Variants in DMGDH observed in about 807,000 individuals in gnomAD.
The protein encoded by DMGDH is dimethylglycine dehydrogenase, mitochondrial.
DMGDH carries 76 observed loss-of-function variants against 95.2 expected under a neutral mutation model. The ratio of observed to expected loss-of-function variants is 0.80; its 90% CI spans 0.66 to 0.97. The LOEUF is 0.97. Among genes scored for constraint, DMGDH ranks in the 50% least tolerant of loss-of-function variants. DMGDH has a pLI of 0.00. For synonymous variants in DMGDH, 345 were observed against 377.6 expected (o/e 0.91, Z 1.00); for missense variants, 987 against 1,055.0 (o/e 0.94, Z 0.89).
In DMGDH at chr5:79,032,587, A is replaced by G. The variant is rs1033306193; in HGVS notation, c.1517+100T>C. Reference sequence around the variant, plus strand: ...GACAAAGCTCAGTGCTCCTTGGAACAGGGTGGAGCAATGGAGTGTAAGGCA... The same window carrying G: ...GACAAAGCTCAGTGCTCCTTGGAACGGGGTGGAGCAATGGAGTGTAAGGCA... On this transcript the variant is annotated intron_variant, in intron 9 of 15. Coordinates refer to ENST00000255189, the MANE Select transcript of DMGDH (RefSeq NM_013391.3). 9 of 1,494,480 alleles carry G rather than the reference A, an allele frequency of 6.0e-6. No individual in the cohort carries two copies. In the Admixed American group the frequency reaches 1.3e-4, roughly 22 times the overall value. The allele number at this position is 1,494,480 out of a possible 1,614,324, so 92.6% of individuals were successfully genotyped here. A position where few individuals can be genotyped will look rare whatever the true frequency, so the allele number is the denominator to read the frequency against.
chr5:79,001,426 G>A (rs998669106), intron 15 of DMGDH, among the ~76,000 whole-genome samples: 3 of 152,190 alleles, frequency 2.0e-5, no homozygotes, highest in African/African-American at 7.2e-5. Flanking sequence ...GCCTCCCAAA[G>A]TGCTGGGATT....
intron 15 of DMGDH, among the ~76,000 whole-genome samples, chr5:78,999,736 A>T (rs779102507): frequency 1.3e-5 from 2 of 152,214 alleles, no homozygotes; most frequent in Non-Finnish European, 2.9e-5. Context: ...CATTAGTAAA[A>T]GTTTATCTCT....
chr5:79,007,772 A>C (rs1166905302), intron 14 of DMGDH, among the ~76,000 whole-genome samples: 1 of 152,150 alleles, frequency 6.6e-6, no homozygotes, highest in Non-Finnish European at 1.5e-5. Flanking sequence ...GAAGGTTCTT[A>C]ATCTTCCTGA....
rs1455517170 is a variant in DMGDH at position 79,042,350 on chromosome 5, G to A, written c.1126C>T (p.Pro376Ser). The change falls in exon 7 of 16, where the codon CCT becomes TCT. Residue 376 changes from proline (P) to serine (S), a missense_variant. Coordinates refer to ENST00000255189, the MANE Select transcript of DMGDH (RefSeq NM_013391.3). ...NVVNGPITYS[P>S]DILPMVGPHQ... Reference sequence around the variant, plus strand: ...GGCCCCACCATAGGCAGAATGTCAGGAGAATACGTGATAGGACCATTGACA... The same window carrying A: ...GGCCCCACCATAGGCAGAATGTCAGAAGAATACGTGATAGGACCATTGACA... The A allele has an allele frequency of 3.7e-6, 6 of 1,614,108 alleles. No individual in the cohort carries two copies. Among genetic ancestry groups the A allele is most frequent in the Non-Finnish European group, 5.1e-6 (6 of 1,180,052 alleles).
chr5:79,035,527 C>T (rs538474769), intron 7 of DMGDH, among the ~76,000 whole-genome samples: 1 of 152,294 alleles, frequency 6.6e-6, no homozygotes, highest in African/African-American at 2.4e-5. Flanking sequence ...TGTTATCGGA[C>T]TTTCCTATCT....
At chr5:79,037,661 A>G (rs1433081894) in intron 7 of DMGDH, among the ~76,000 whole-genome samples, 1 of 152,128 alleles carries the variant, frequency 6.6e-6, no homozygotes. Flanking sequence ...AACAGATGTG[A>G]TTTCTAGGTT....
At chr5:79,033,018 A>T (rs908062997) in intron 8 of DMGDH, among the ~76,000 whole-genome samples, 178 bp from the exon 9 acceptor site, 1 of 152,204 alleles carries the variant, frequency 6.6e-6, no homozygotes, top group African/African-American at 2.4e-5. Flanking sequence ...CTCATCAAAG[A>T]GTAAAGTAAA....
Position 79,008,210 on chromosome 5 carries a change from G to T in DMGDH, c.2251-2803C>A, listed in dbSNP as rs577072090. Among the ~76,000 whole-genome samples the T allele has an allele frequency of 4.6e-5, 7 of 152,278 alleles. No homozygotes were observed. The South Asian group carries it at 1.4e-3, about 32-fold the overall frequency. The stretch of plus-strand genomic sequence containing the variant: ...CTTTGATAGAGGTATGGACAGTGGG[G>T]GCCCAAGGAAGAAAATGACCCAGTT... On this transcript the variant is annotated intron_variant, in intron 14 of 15. Transcript: ENST00000255189.
At chr5:79,037,390 C>T (rs1326349506) in intron 7 of DMGDH, among the ~76,000 whole-genome samples, 1 of 152,138 alleles carries the variant, frequency 6.6e-6, no homozygotes, top group Non-Finnish European at 1.5e-5. Context: ...CCTCCAGAGC[C>T]ATGGAATGAG....
At chr5:79,011,866 T>G (rs1405604806) in intron 14 of DMGDH, among the ~76,000 whole-genome samples, 1 of 152,116 alleles carries the variant, frequency 6.6e-6, no homozygotes, top group African/African-American at 2.4e-5. Context: ...CATGATCCAA[T>G]CACCTCTCAT....
At position 79,005,383 on chromosome 5, in the gene DMGDH, C is replaced by T; in HGVS notation, c.2275G>A (p.Ala759Thr). ...NKPADFIGKQALKQIKAKGLK... is the reference protein window; with the variant it reads ...NKPADFIGKQTLKQIKAKGLK... ...CCCTTGGCTTTAATCTGTTTCAGTG[C>T]TTGCTTTCCTATGAAGTCTGCTGGC... The change falls in exon 15 of 16, where the codon GCA becomes ACA. Residue 759 changes from alanine (A) to threonine (T), a missense_variant. Transcript: ENST00000255189. 1.9e-6 allele frequency: 3 copies of T among 1,614,082 alleles called. No individual in the cohort carries two copies. Among genetic ancestry groups the T allele is most frequent in the Middle Eastern group, 1.6e-4 (1 of 6,062 alleles).
At chr5:79,067,398 G>A (rs1561234564) in intron 1 of DMGDH, among the ~76,000 whole-genome samples, 2 of 152,174 alleles carry the variant, frequency 1.3e-5, no homozygotes, top group African/African-American at 2.4e-5. Context: ...AATCTTAAAG[G>A]TTCTTTTTTG....
At chr5:79,065,412 A>G (rs1432026505) in intron 1 of DMGDH, among the ~76,000 whole-genome samples, 2 of 151,464 alleles carry the variant, frequency 1.3e-5, no homozygotes, top group Non-Finnish European at 2.9e-5. Flanking sequence ...GGGTTTCACC[A>G]TGTTGGCCAG....
chr5:79,035,369 C>G (rs1754319993), intron 7 of DMGDH, among the ~76,000 whole-genome samples: 2 of 152,132 alleles, frequency 1.3e-5, no homozygotes, highest in African/African-American at 4.8e-5. Flanking sequence ...TAGTTTCCGT[C>G]TAACACATAG....
In DMGDH at chr5:79,029,890, A is replaced by C. The variant is rs1754106929; in HGVS notation, c.1814+14T>G. On this transcript the variant is annotated intron_variant, in intron 11 of 15. Coordinates refer to ENST00000255189, the MANE Select transcript of DMGDH (RefSeq NM_013391.3). ...ATAATGTGTACAAAATTTTCTTACT[A>C]GGTGTGCACTTACCTAAGATCATGA... 6.2e-7 allele frequency: 1 copy of C among 1,613,374 alleles called. No homozygotes were observed. Among genetic ancestry groups the C allele is most frequent in the Non-Finnish European group, 8.5e-7 (1 of 1,179,738 alleles).
At chr5:79,021,827 G>A in intron 14 of DMGDH, 1 of 814,846 alleles carries the variant, frequency 1.2e-6, no homozygotes, top group Non-Finnish European at 1.7e-6. Flanking sequence ...CTGTGGAAAA[G>A]GACTTTGTGG....
At chr5:79,018,261 A>G (rs1753779040) in intron 14 of DMGDH, among the ~76,000 whole-genome samples, 1 of 152,120 alleles carries the variant, frequency 6.6e-6, no homozygotes, top group Non-Finnish European at 1.5e-5. Flanking sequence ...GTCTGGTTTC[A>G]AACCTGGGTT....
intron 15 of DMGDH, chr5:79,000,146 T>G: frequency 1.8e-6 from 1 of 550,806 alleles, no homozygotes; most frequent in South Asian, 1.5e-5. Context: ...TAGATGATTT[T>G]CAGGTGAATG....
intron 11 of DMGDH, among the ~76,000 whole-genome samples, chr5:79,029,173 T>C (rs997927491): frequency 2.0e-5 from 3 of 152,202 alleles, no homozygotes; most frequent in Admixed American, 6.5e-5. Context: ...TTCTAATTTA[T>C]TGAGCAGTCC....
Sources: allele counts gnomAD v4.1 joint callset (sites outside exome capture counted in the v4.1 genomes callset), GRCh38; gene constraint gnomAD v4.1.1; transcripts MANE v1.5; gene names NCBI Gene and HGNC (gene_info 2026-07-23, HGNC 2026-07-21).